The following TMEM108 variants were observed in gnomAD, a reference collection of about 807,000 sequenced individuals.
TMEM108 encodes the protein cancer/testis antigen 124.
Under a neutral mutation model 35.1 loss-of-function variants are expected in TMEM108, and 12 were observed. The observed-to-expected ratio is 0.34, with a 90% CI of 0.22 to 0.55. TMEM108 has a LOEUF of 0.55. Among genes scored for constraint, TMEM108 ranks in the 20% least tolerant of loss-of-function variants. TMEM108 has a pLI of 0.89. For missense variants in TMEM108, 680 were observed against 753.3 expected (o/e 0.90, Z 1.14); for synonymous variants, 287 against 308.6 (o/e 0.93, Z 0.73).
At chr3:133,108,561 T>C (rs1476224990) in intron 2 of TMEM108, among the ~76,000 whole-genome samples, 1 of 151,970 alleles carries the variant, frequency 6.6e-6, no homozygotes, top group Non-Finnish European at 1.5e-5. Flanking sequence ...TTCTCCCATT[T>C]TGTAGGTTGC....
intron 3 of TMEM108, among the ~76,000 whole-genome samples, chr3:133,375,301 A>G (rs1576522308): frequency 6.6e-6 from 1 of 152,310 alleles, no homozygotes; most frequent in Non-Finnish European, 1.5e-5. Flanking sequence ...TTTCAGTAGG[A>G]GGAGACCTTC....
At chr3:133,207,365 G>A (rs764465751) in intron 2 of TMEM108, among the ~76,000 whole-genome samples, 3 of 151,948 alleles carry the variant, frequency 2.0e-5, no homozygotes, top group Non-Finnish European at 4.4e-5. Context: ...TGGAAATGCA[G>A]AAGTCACCCG....
chr3:133,082,896 C>T (rs1490900978), intron 2 of TMEM108, among the ~76,000 whole-genome samples: 1 of 152,138 alleles, frequency 6.6e-6, no homozygotes. Context: ...TCAAGCAATC[C>T]TCTTACCTCG....
At chr3:133,198,430 G>A (rs780890941) in intron 2 of TMEM108, among the ~76,000 whole-genome samples, 1 of 152,164 alleles carries the variant, frequency 6.6e-6, no homozygotes, top group Non-Finnish European at 1.5e-5. Flanking sequence ...TCAAGAGGAT[G>A]GGGTACCCCC....
At chr3:133,272,212 G>T (rs1051803308) in intron 3 of TMEM108, among the ~76,000 whole-genome samples, 1 of 151,924 alleles carries the variant, frequency 6.6e-6, no homozygotes, top group Non-Finnish European at 1.5e-5. Context: ...GGGTAATGGG[G>T]CGGAGGGGTA....
intron 3 of TMEM108, among the ~76,000 whole-genome samples, chr3:133,278,776 A>G (rs1165303926): frequency 2.0e-5 from 3 of 152,216 alleles, no homozygotes; most frequent in Non-Finnish European, 2.9e-5. Context: ...CAATTGGTAA[A>G]CTGTAAGGGG....
chr3:133,343,060 T>C (rs186183218), intron 3 of TMEM108, among the ~76,000 whole-genome samples: 1 of 151,632 alleles, frequency 6.6e-6, no homozygotes, highest in Non-Finnish European at 1.5e-5. Flanking sequence ...CAAGAAAAAA[T>C]GTGCAAAAGA....
chr3:133,374,165 G>C (rs2072762562), intron 3 of TMEM108, among the ~76,000 whole-genome samples: 1 of 152,098 alleles, frequency 6.6e-6, no homozygotes, highest in Non-Finnish European at 1.5e-5. Context: ...CTGCCTCATT[G>C]TATTCATCAA....
chr3:133,186,895 T>G (rs1014861172), intron 2 of TMEM108, among the ~76,000 whole-genome samples: 2 of 152,118 alleles, frequency 1.3e-5, no homozygotes, highest in African/African-American at 4.8e-5. Flanking sequence ...TGTGTGTATG[T>G]GTGTGTGTGT....
chr3:133,200,539 C>T (rs1056608534), intron 2 of TMEM108, among the ~76,000 whole-genome samples: 1 of 152,136 alleles, frequency 6.6e-6, no homozygotes, highest in Non-Finnish European at 1.5e-5. Context: ...AGACTCTTCT[C>T]GTTGAATCTG....
intron 2 of TMEM108, among the ~76,000 whole-genome samples, chr3:133,223,950 T>A (rs572162581): frequency 1.1e-4 from 17 of 152,368 alleles, no homozygotes; most frequent in Middle Eastern, 3.4e-3. Flanking sequence ...GTAACCCAGT[T>A]GATCCCAAAT....
chr3:133,071,949 T>C (rs1943680682), intron 2 of TMEM108, among the ~76,000 whole-genome samples: 1 of 152,198 alleles, frequency 6.6e-6, no homozygotes, highest in African/African-American at 2.4e-5. Context: ...GGGATAGTTT[T>C]AGATCTGACA....
chr3:133,218,528 T>C (rs1576389964), intron 2 of TMEM108, among the ~76,000 whole-genome samples: 1 of 152,052 alleles, frequency 6.6e-6, no homozygotes, highest in African/African-American at 2.4e-5. Flanking sequence ...ATGTTAGCTG[T>C]GGGTTTGTCA....
chr3:133,355,977 A>C (rs1172535410), intron 3 of TMEM108, among the ~76,000 whole-genome samples: 2 of 152,168 alleles, frequency 1.3e-5, no homozygotes, highest in African/African-American at 4.8e-5. Flanking sequence ...TACCCACAGC[A>C]ATCAGTCAAG....
At chr3:133,336,201 G>A (rs1881919) in intron 3 of TMEM108, among the ~76,000 whole-genome samples, 51,411 of 151,868 alleles carry the variant, frequency 0.34, 9,093 homozygotes, top group East Asian at 0.48. Flanking sequence ...ACTTTAAGGC[G>A]CATGACCTAC....
At chr3:133,348,117 G>A (rs1003745264) in intron 3 of TMEM108, among the ~76,000 whole-genome samples, 6 of 145,936 alleles carry the variant, frequency 4.1e-5, no homozygotes, top group Non-Finnish European at 3.0e-5. Flanking sequence ...AGAGTAATGA[G>A]GGGGGGGCCA....
intron 3 of TMEM108, among the ~76,000 whole-genome samples, chr3:133,357,301 G>A (rs2072202146): frequency 6.6e-6 from 1 of 152,130 alleles, no homozygotes; most frequent in Non-Finnish European, 1.5e-5. Context: ...CGTGGATGTG[G>A]TGAAAGAACA....
chr3:133,382,589 A>C (rs1038008936), intron 4 of TMEM108, among the ~76,000 whole-genome samples: 1 of 152,210 alleles, frequency 6.6e-6, no homozygotes, highest in Non-Finnish European at 1.5e-5. Context: ...AGTAGCACTC[A>C]GGCAGCCAGC....
chr3:133,384,517 C>T (rs1427346614), intron 4 of TMEM108, among the ~76,000 whole-genome samples: 2 of 152,332 alleles, frequency 1.3e-5, no homozygotes, highest in African/African-American at 2.4e-5. Flanking sequence ...ATGCTTTTCT[C>T]TCCTGAGCCC....
Sources: allele counts gnomAD v4.1 joint callset (sites outside exome capture counted in the v4.1 genomes callset), GRCh38; gene constraint gnomAD v4.1.1; transcripts MANE v1.5; gene names NCBI Gene and HGNC (gene_info 2026-07-23, HGNC 2026-07-21).